Variants in SLAIN2 observed in about 807,000 individuals in gnomAD.
SLAIN2 encodes the protein SLAIN motif-containing protein 2.
SLAIN2 carries 31 observed loss-of-function variants against 56.6 expected under a neutral mutation model. That is an observed-to-expected ratio of 0.55 (90% CI 0.41 to 0.74). The LOEUF (loss-of-function observed/expected upper bound fraction) is 0.74, where lower values mean the gene tolerates loss of function less well. SLAIN2 is among the 30% of genes least tolerant of loss of function. SLAIN2 has a pLI of 0.00. For missense variants in SLAIN2, 777 were observed against 754.2 expected (o/e 1.03, Z -0.35); for synonymous variants, 317 against 284.9 (o/e 1.11, Z -1.13).
chr4:48,341,927 C>G lies in SLAIN2; in HGVS notation c.188C>G (p.Ser63Cys). ...TCCATTCCCTCCTCCGGCGCGGCGT[C>G]TCCTCGGGGCTTCCCCTTGGGCCTC... ...GASIPSSGAA[S>C]PRGFPLGLSA... The change falls in exon 1 of 8, where the codon TCT becomes TGT. Residue 63 changes from serine (S) to cysteine (C), a missense_variant. Physicochemically the swap from Ser to Cys is moderately radical, Grantham distance 112. Coordinates refer to ENST00000264313, the MANE Select transcript of SLAIN2 (RefSeq NM_020846.2). The G allele has an allele frequency of 6.7e-7, 1 of 1,502,502 alleles. No homozygotes were observed. The highest frequency in any genetic ancestry group is 8.9e-7 in the Non-Finnish European group (1 of 1,127,824). The allele number at this position is 1,502,502 out of a possible 1,614,324, so 93.1% of individuals were successfully genotyped here.
chr4:48,354,164 G>T (rs1407602485), intron 1 of SLAIN2, among the ~76,000 whole-genome samples: 2 of 151,956 alleles, frequency 1.3e-5, no homozygotes, highest in Non-Finnish European at 2.9e-5. Context: ...GATAAACATA[G>T]AATAAAATAG....
chr4:48,365,249 A>G (rs1274813684), intron 1 of SLAIN2, among the ~76,000 whole-genome samples: 1 of 151,756 alleles, frequency 6.6e-6, no homozygotes, highest in Non-Finnish European at 1.5e-5. Context: ...CAGACGAATC[A>G]CTTGAAGTCA....
chr4:48,379,702 G>A lies in SLAIN2; in HGVS notation c.716G>A (p.Ser239Asn), dbSNP rs763479354. The change falls in exon 4 of 8, where the codon AGC becomes AAC. Residue 239 changes from serine to asparagine, a missense_variant. Transcript: ENST00000264313. ...ILPGNSGNLK[S>N]SDRNPPLSPQ... The stretch of plus-strand genomic sequence containing the variant: ...TTTTTTTTTTAAGGTAACTTGAAAA[G>A]CTCAGACAGAAATCCTCCACTCAGT... The A allele has an allele frequency of 1.4e-6, 2 of 1,436,628 alleles. No individual in the cohort carries two copies. The highest frequency in any genetic ancestry group is 1.8e-6 in the Non-Finnish European group (2 of 1,092,042). 89.0% of individuals were successfully genotyped at this position (1,436,628 alleles called of 1,614,324 possible).
chr4:48,382,703 A>G lies in SLAIN2; in HGVS notation c.998A>G (p.His333Arg). Residue 333 changes from histidine (H) to arginine (R), a missense_variant, in exon 5 of 8, where the codon CAT (histidine) becomes CGT (arginine). Coordinates refer to ENST00000264313, the MANE Select transcript of SLAIN2 (RefSeq NM_020846.2). ...GATGATGAAGATGACAATATGCATC[A>G]TGCAGTATACCCTGCTGTTAACAGG... ...SLDDEDDNMH[H>R]AVYPAVNRFS... 4 of 1,613,870 alleles carry G rather than the reference A, an allele frequency of 2.5e-6. No individual in the cohort carries two copies. Among genetic ancestry groups the G allele is most frequent in the Non-Finnish European group, 2.5e-6 (3 of 1,179,874 alleles).
chr4:48,368,522 GTTA>G (rs1315361921), intron 1 of SLAIN2, among the ~76,000 whole-genome samples: 1 of 152,068 alleles, frequency 6.6e-6, no homozygotes, highest in African/African-American at 2.4e-5. Flanking sequence ...TTTTATTATT[GTTA>G]TTATTCATCT....
intron 1 of SLAIN2, among the ~76,000 whole-genome samples, chr4:48,364,862 G>T (rs1272805420): frequency 7.1e-6 from 1 of 140,874 alleles, no homozygotes; most frequent in African/African-American, 2.6e-5. Context: ...GTGGGGAGAC[G>T]GAGACGGGAG....
intron 6 of SLAIN2, among the ~76,000 whole-genome samples, chr4:48,393,816 G>A (rs111497221): frequency 3.3e-5 from 5 of 152,156 alleles, no homozygotes; most frequent in African/African-American, 1.2e-4. Flanking sequence ...TATCTTGGAT[G>A]GCCCTGAGCT....
At chr4:48,370,455 A>G (rs1263564530) in intron 2 of SLAIN2, among the ~76,000 whole-genome samples, 1 of 152,224 alleles carries the variant, frequency 6.6e-6, no homozygotes, top group East Asian at 1.9e-4. Flanking sequence ...CAGTTGTCTC[A>G]TAAGAATGAT....
chr4:48,367,932 C>T (rs1715564344), intron 1 of SLAIN2, among the ~76,000 whole-genome samples: 1 of 152,024 alleles, frequency 6.6e-6, no homozygotes, highest in South Asian at 2.1e-4. Flanking sequence ...ATTCCCATTC[C>T]TACCTCCAGC....
chr4:48,405,716 C>G (rs1716676406), intron 6 of SLAIN2, among the ~76,000 whole-genome samples: 1 of 151,842 alleles, frequency 6.6e-6, no homozygotes, highest in Admixed American at 6.6e-5. Flanking sequence ...TGCCTAGATT[C>G]ATAATTCATT....
At chr4:48,407,774 A>G (rs974530557) in intron 6 of SLAIN2, among the ~76,000 whole-genome samples, 1 of 152,138 alleles carries the variant, frequency 6.6e-6, no homozygotes, top group African/African-American at 2.4e-5. Flanking sequence ...CAGAGGGAGA[A>G]ACCATTACCA....
intron 6 of SLAIN2, among the ~76,000 whole-genome samples, chr4:48,414,646 G>C (rs1281543192): frequency 7.8e-6 from 1 of 128,628 alleles, no homozygotes; most frequent in African/African-American, 3.0e-5. Flanking sequence ...CCATGCTGGT[G>C]CGCTGCACCC....
At chr4:48,350,686 G>A (rs1030697764) in intron 1 of SLAIN2, among the ~76,000 whole-genome samples, 15 of 152,084 alleles carry the variant, frequency 9.9e-5, no homozygotes, top group South Asian at 2.1e-4. Context: ...TTTTGGGATC[G>A]AAGTTATGGA....
intron 1 of SLAIN2, among the ~76,000 whole-genome samples, chr4:48,367,640 C>T (rs999013104): frequency 3.3e-5 from 5 of 151,518 alleles, no homozygotes; most frequent in Non-Finnish European, 4.4e-5. Context: ...GGTGGGGGGG[C>T]AGTTGTGATG....
intron 1 of SLAIN2, among the ~76,000 whole-genome samples, chr4:48,362,179 T>TA (rs1715343726): frequency 6.6e-6 from 1 of 152,134 alleles, no homozygotes; most frequent in African/African-American, 2.4e-5. Context: ...GTATATTATT[T>TA]AATAAAAGTA....
rs546007152 is a variant in SLAIN2 at position 48,418,671 on chromosome 4, A to G, written c.1361-1454A>G. ...TCAGTAATACTGGCTTCATAAAATG[A>G]ATTGGGACATGTTCTTTCCTATTTT... On this transcript the variant is annotated intron_variant, in intron 6 of 7. Coordinates refer to ENST00000264313, the MANE Select transcript of SLAIN2 (RefSeq NM_020846.2). 9.2e-5 allele frequency among the ~76,000 whole-genome samples: 14 copies of G among 152,288 alleles called. 1 individual carries two copies. The South Asian group carries it at 2.9e-3, about 32-fold the overall frequency.
intron 2 of SLAIN2, among the ~76,000 whole-genome samples, chr4:48,376,521 T>C (rs1297534444): frequency 6.6e-6 from 1 of 151,840 alleles, no homozygotes; most frequent in Non-Finnish European, 1.5e-5. Context: ...TTTAAATATA[T>C]GCATTTGATA....
At chr4:48,420,025 A>T in intron 6 of SLAIN2, 100 bp from the exon 7 acceptor site, 1 of 1,170,408 alleles carries the variant, frequency 8.5e-7, no homozygotes. Context: ...TTTCCTGAAT[A>T]CACATGTACT....
intron 6 of SLAIN2, among the ~76,000 whole-genome samples, chr4:48,410,131 C>T (rs1716806731): frequency 6.6e-6 from 1 of 152,054 alleles, no homozygotes; most frequent in African/African-American, 2.4e-5. Flanking sequence ...TTTATTTTAG[C>T]GATCCTGGTG....
Sources: allele counts gnomAD v4.1 joint callset (sites outside exome capture counted in the v4.1 genomes callset), GRCh38; gene constraint gnomAD v4.1.1; transcripts MANE v1.5; gene names NCBI Gene and HGNC (gene_info 2026-07-23, HGNC 2026-07-21).